Variants in KSR2 observed in about 807,000 individuals in gnomAD.
KSR2 encodes kinase suppressor of ras 2.
Under a neutral mutation model 107.8 loss-of-function variants are expected in KSR2, and 25 were observed. The ratio of observed to expected loss-of-function variants is 0.23; its 90% confidence interval spans 0.17 to 0.32. KSR2 has a LOEUF of 0.32. Ranked by LOEUF, KSR2 falls within the 10% of genes least tolerant of loss-of-function variation. The pLI is 1.00. For missense variants in KSR2, 887 were observed against 1,268.9 expected, an observed-to-expected ratio of 0.70 and a Z score of 4.57; for synonymous variants, 480 against 507.0, an observed-to-expected ratio of 0.95 and a Z score of 0.71.
At chr12:117,717,539 A>T (rs1352844048) in intron 4 of KSR2, among the ~76,000 whole-genome samples, 1 of 152,066 alleles carries the variant, frequency 6.6e-6, no homozygotes, top group Admixed American at 6.6e-5. Flanking sequence ...CATAAAAATT[A>T]AAAAAAGAGG....
chr12:117,921,354 G>A (rs979984191), intron 1 of KSR2, among the ~76,000 whole-genome samples: 8 of 152,180 alleles, frequency 5.3e-5, no homozygotes, highest in African/African-American at 1.9e-4. Context: ...TAAATATTAA[G>A]CAAATTGAAT....
Position 117,727,934 on chromosome 12 carries a change from C to T in KSR2, c.986+33077G>A, listed in dbSNP as rs559754617. Among the ~76,000 whole-genome samples the T allele has an allele frequency of 1.8e-4, 28 of 152,214 alleles. No individual in the cohort carries two copies. In the South Asian group the frequency reaches 5.8e-3, roughly 32 times the overall value. On this transcript the variant is annotated intron_variant, in intron 4 of 19. Transcript: ENST00000339824. ...ACACACGGATGTATCTCAAAAACAA[C>T]ATGTTGAGTGAAAGAAACCAGATAC...
chr12:117,940,215 A>G (rs1882531098), intron 1 of KSR2, among the ~76,000 whole-genome samples: 1 of 152,176 alleles, frequency 6.6e-6, no homozygotes, highest in South Asian at 2.1e-4. Flanking sequence ...CACAAATAAC[A>G]TTACTTGGAA....
At chr12:117,860,546 A>G (rs958952682) in intron 1 of KSR2, 115 bp from the exon 2 acceptor site, 1 of 1,028,528 alleles carries the variant, frequency 9.7e-7, no homozygotes, top group South Asian at 1.7e-5. Context: ...TATTTTAAAG[A>G]CTGGTTCCGC....
At chr12:117,879,640 C>A (rs1893965162) in intron 1 of KSR2, among the ~76,000 whole-genome samples, 1 of 152,178 alleles carries the variant, frequency 6.6e-6, no homozygotes, top group East Asian at 1.9e-4. Flanking sequence ...TTGCTTGAGC[C>A]CAGGAGGTGG....
At chr12:117,520,744 C>T (rs896481437) in intron 14 of KSR2, among the ~76,000 whole-genome samples, 2 of 152,224 alleles carry the variant, frequency 1.3e-5, no homozygotes, top group African/African-American at 4.8e-5. Flanking sequence ...TGCCTACAGC[C>T]CTCCAACGGC....
intron 14 of KSR2, among the ~76,000 whole-genome samples, chr12:117,486,318 C>T (rs1872459830): frequency 6.6e-6 from 1 of 152,176 alleles, no homozygotes; most frequent in Non-Finnish European, 1.5e-5. Flanking sequence ...TGAAAAAGGA[C>T]ATTATGCACT....
rs140568979 is a variant in KSR2 at position 117,825,370 on chromosome 12, T to C, written c.472+30058A>G. ...ATGGTTGGGGGCATGGCTGGGTAAA[T>C]GTGTGCAGGGATGGATAGGTGCATG... On this transcript the variant is annotated intron_variant, in intron 3 of 19. Coordinates refer to ENST00000339824, the MANE Select transcript of KSR2 (RefSeq NM_173598.6). Among the ~76,000 whole-genome samples the C allele has an allele frequency of 1.0e-3, 154 of 152,090 alleles. No homozygotes were observed. In the Middle Eastern group the frequency reaches 0.017, roughly 17 times the overall value.
At chr12:117,933,594 A>G (rs1895755108) in intron 1 of KSR2, among the ~76,000 whole-genome samples, 1 of 152,068 alleles carries the variant, frequency 6.6e-6, no homozygotes, top group South Asian at 2.1e-4. Context: ...TCTGTCTCAA[A>G]AAAAAAAATA....
chr12:117,569,781 A>G (rs150595661), intron 7 of KSR2, among the ~76,000 whole-genome samples: 237 of 152,228 alleles, frequency 1.6e-3, no homozygotes, highest in African/African-American at 5.4e-3. Context: ...CCCTATAACT[A>G]TAGAGTGGAT....
At chr12:117,846,877 C>T (rs762776957) in intron 3 of KSR2, among the ~76,000 whole-genome samples, 32 of 152,220 alleles carry the variant, frequency 2.1e-4, no homozygotes, top group Non-Finnish European at 3.5e-4. Flanking sequence ...GATGAGAACC[C>T]ACAGCCAGCC....
chr12:117,648,815 T>C (rs553525466), intron 5 of KSR2, among the ~76,000 whole-genome samples: 4 of 152,332 alleles, frequency 2.6e-5, no homozygotes, highest in East Asian at 1.9e-4. Flanking sequence ...TGAGGAAATA[T>C]GCTCAGCCAA....
intron 5 of KSR2, among the ~76,000 whole-genome samples, chr12:117,633,642 C>T (rs1024462075): frequency 6.6e-6 from 1 of 152,170 alleles, no homozygotes; most frequent in Admixed American, 6.5e-5. Context: ...CCAATCTCTG[C>T]CTCTGTCCTC....
intron 4 of KSR2, among the ~76,000 whole-genome samples, chr12:117,669,954 T>TA (rs10629052): frequency 0.51 from 76,719 of 151,118 alleles, 19,817 homozygotes; most frequent in African/African-American, 0.61. Flanking sequence ...GTTGCTGAAA[T>TA]AAAAAAAAAT....
intron 1 of KSR2, among the ~76,000 whole-genome samples, chr12:117,943,515 A>C (rs1307899345): frequency 1.4e-5 from 2 of 145,374 alleles, no homozygotes; most frequent in East Asian, 3.9e-4. Context: ...AAAAAAAAAA[A>C]AAAAAAAAAA....
intron 2 of KSR2, among the ~76,000 whole-genome samples, chr12:117,857,700 G>T (rs1893146995): frequency 6.6e-6 from 1 of 152,128 alleles, no homozygotes. Context: ...CTGAAAGTAG[G>T]CACTTTTATC....
chr12:117,649,479 T>C (rs1289163698), intron 5 of KSR2, among the ~76,000 whole-genome samples: 2 of 152,224 alleles, frequency 1.3e-5, no homozygotes, highest in African/African-American at 4.8e-5. Context: ...ACTTAGGTAC[T>C]GCTTCCTTTG....
At chr12:117,658,686 C>T (rs1158803686) in intron 5 of KSR2, among the ~76,000 whole-genome samples, 1 of 152,178 alleles carries the variant, frequency 6.6e-6, no homozygotes, top group East Asian at 1.9e-4. Flanking sequence ...GGTCAAAGTT[C>T]ACACCTAAAT....
intron 3 of KSR2, among the ~76,000 whole-genome samples, chr12:117,794,284 TGCACTC>T (rs1890493389): frequency 1.7e-5 from 1 of 58,456 alleles, no homozygotes; most frequent in Admixed American, 2.3e-4. Context: ...CACACCAACA[TGCACTC>T]ACACACCAAC....
Sources: allele counts gnomAD v4.1 joint callset (sites outside exome capture counted in the v4.1 genomes callset), GRCh38; gene constraint gnomAD v4.1.1; transcripts MANE v1.5; gene names NCBI Gene and HGNC (gene_info 2026-07-23, HGNC 2026-07-21).